Variants in ZBTB18 observed in about 807,000 individuals in gnomAD.
ZBTB18 encodes zinc finger and BTB domain containing 18.
ZBTB18 carries 2 observed loss-of-function variants against 37.7 expected under a neutral mutation model. The observed-to-expected ratio is 0.05, with a 90% CI of 0.02 to 0.17. The LOEUF is 0.17. Ranked by LOEUF, ZBTB18 falls within the 10% of genes least tolerant of loss-of-function variation. The pLI is 1.00. For synonymous variants in ZBTB18, 304 were observed against 276.5 expected, an observed-to-expected ratio of 1.10 and a Z score of -0.99; for missense variants, 408 against 686.3, an observed-to-expected ratio of 0.59 and a Z score of 4.53.
rs1171774063 is a variant in ZBTB18, at chr1:244,053,241, A to AT, written c.14-538dup. Among the ~76,000 whole-genome samples the AT allele has an allele frequency of 4.0e-5, 6 of 150,678 alleles. No individual in the cohort carries two copies. Among genetic ancestry groups the AT allele is most frequent in the Non-Finnish European group, 7.4e-5 (5 of 67,584 alleles). On this transcript the variant is annotated intron_variant, in intron 1 of 1. Coordinates refer to ENST00000358704, the MANE Select transcript of ZBTB18 (RefSeq NM_205768.3). This position sits in a 1 kb window ranked among gnomAD's most constrained non-coding sequence, Gnocchi z 5.2. ...ATTTCTGGACTAATTATGCAATTTC[A>AT]TTTTTTTTTCTTGATTCAGCCAAAT...
chr1:244,054,385 C>G lies in ZBTB18; in HGVS notation c.611C>G (p.Pro204Arg). 2 of 1,614,184 alleles carry G rather than the reference C, an allele frequency of 1.2e-6. No homozygotes were observed. The highest frequency in any genetic ancestry group is 2.2e-5 in the East Asian group (1 of 44,868). Residue 204 changes from proline to arginine, a missense_variant, in exon 2 of 2, where the codon CCC (proline) becomes CGC (arginine). By Grantham distance (103) the Pro-to-Arg change is moderately radical. Coordinates refer to ENST00000358704, the MANE Select transcript of ZBTB18 (RefSeq NM_205768.3). The surrounding 1 kb of genome is among the most constrained non-coding windows in gnomAD (Gnocchi z 9.0). ...MRLPSDSAGI[P>R]QAGGEAEPHA... Reference sequence around the variant, plus strand: ...TTGCCCTCAGACTCAGCAGGCATCCCCCAGGCTGGCGGAGAGGCAGAGCCA... The same window carrying G: ...TTGCCCTCAGACTCAGCAGGCATCCGCCAGGCTGGCGGAGAGGCAGAGCCA...
In ZBTB18 at chr1:244,055,527, A is replaced by C. The variant is rs1698446201; in HGVS notation, c.*157A>C. ...TTTAGAATAGCATGAGAATCTCACT[A>C]ATTTAGCATTCTGATAAAAGAAACT... is the stretch of plus-strand genomic sequence containing the variant. On this transcript the variant is annotated 3_prime_UTR_variant, in exon 2 of 2. Transcript: ENST00000358704. The surrounding 1 kb of genome is among the most constrained non-coding windows in gnomAD (Gnocchi z 7.0). The C allele has an allele frequency of 4.9e-6, 1 of 204,052 alleles. No individual in the cohort carries two copies. The highest frequency in any genetic ancestry group is 2.4e-5 in the African/African-American group (1 of 42,298). 12.6% of individuals were successfully genotyped at this position (204,052 alleles called of 1,614,324 possible).
At position 244,053,846 on chromosome 1, in the gene ZBTB18, C is replaced by G; in HGVS notation, c.72C>G (p.Ser24Arg). The change falls in exon 2 of 2, where the codon AGC becomes AGG. Residue 24 changes from serine (S) to arginine (R), a missense_variant. Coordinates refer to ENST00000358704, the MANE Select transcript of ZBTB18 (RefSeq NM_205768.3). This position sits in a 1 kb window ranked among gnomAD's most constrained non-coding sequence, Gnocchi z 5.2. ...GTAGACATTTGCTACAGTGTCTGAG[C>G]GAGCAGAGACACCAGGGTTTTCTTT... ...DHSRHLLQCL[S>R]EQRHQGFLCD... 1.9e-6 allele frequency: 3 copies of G among 1,614,096 alleles called. No homozygotes were observed. Among genetic ancestry groups the G allele is most frequent in the Middle Eastern group, 1.6e-4 (1 of 6,062 alleles).
chr1:244,054,994 G>C lies in ZBTB18; in HGVS notation c.1220G>C (p.Gly407Ala). 6.2e-7 allele frequency: 1 copy of C among 1,614,082 alleles called. No individual in the cohort carries two copies. The highest frequency in any genetic ancestry group is 1.6e-4 in the Middle Eastern group (1 of 6,062). The change falls in exon 2 of 2, where the codon GGC becomes GCC. Residue 407 changes from glycine (G) to alanine (A), a missense_variant. This residue lies in a region of ZBTB18 where 266 missense variants were observed against 312.0 expected (regional missense o/e 0.85). Coordinates refer to ENST00000358704, the MANE Select transcript of ZBTB18 (RefSeq NM_205768.3). The surrounding 1 kb of genome is among the most constrained non-coding windows in gnomAD (Gnocchi z 9.0). ...AGCACGCACTTCCGCGAGCAGGACGGCATCCGCAGCAAGCCCGCCGCCGAT... is the reference window on the plus strand; with the variant it reads ...AGCACGCACTTCCGCGAGCAGGACGCCATCCGCAGCAAGCCCGCCGCCGAT... ...HLSTHFREQDGIRSKPAADVN... is the reference protein window; with the variant it reads ...HLSTHFREQDAIRSKPAADVN...
In ZBTB18 at chr1:244,055,409, T is replaced by A. The variant is rs776214706; in HGVS notation, c.*39T>A. On this transcript the variant is annotated 3_prime_UTR_variant, in exon 2 of 2. Transcript: ENST00000358704. The surrounding 1 kb of genome is among the most constrained non-coding windows in gnomAD (Gnocchi z 7.0). ...TAAATAATATATATATATATACATA[T>A]ATATAAATAGATCTCTATATAGTTG... The A allele has an allele frequency of 1.5e-6, 1 of 651,604 alleles. No homozygotes were observed. The highest frequency in any genetic ancestry group is 4.7e-5 in the East Asian group (1 of 21,432). The allele number at this position is 651,604 out of a possible 1,614,324, so 40.4% of individuals were successfully genotyped here.
At chr1:244,052,514 C>T (rs144500420) in intron 1 of ZBTB18, among the ~76,000 whole-genome samples, 1 of 152,286 alleles carries the variant, frequency 6.6e-6, no homozygotes, top group African/African-American at 2.4e-5. Flanking sequence ...CCAAAATGCA[C>T]TTGCTGAGAT....
intron 1 of ZBTB18, 130 bp downstream of exon 1, chr1:244,051,574 C>T (rs1442882317): frequency 8.4e-6 from 9 of 1,070,650 alleles, no homozygotes; most frequent in Non-Finnish European, 1.2e-5. Flanking sequence ...AAATGAACAT[C>T]TTACTGGAGT....
At chr1:244,049,724 A>G (rs1008449445), upstream of ZBTB18, among the ~76,000 whole-genome samples, 2 of 152,086 alleles carry the variant, frequency 1.3e-5, no homozygotes, top group African/African-American at 4.8e-5. Flanking sequence ...ATGCACGGCG[A>G]ACTACGTAAA....
chr1:244,050,173 G>C (rs1044819667), upstream of ZBTB18, among the ~76,000 whole-genome samples: 8 of 152,198 alleles, frequency 5.3e-5, no homozygotes, highest in Non-Finnish European at 7.3e-5. Context: ...GAACGAAGTG[G>C]TTATCACCAG....
rs372002611 is a variant in ZBTB18 at position 244,054,734 on chromosome 1, G to A, written c.960G>A (p.Pro320=). Residue 320 remains proline (P), a synonymous_variant, in exon 2 of 2, where the codon CCG becomes CCA. Coordinates refer to ENST00000358704, the MANE Select transcript of ZBTB18 (RefSeq NM_205768.3). The surrounding 1 kb of genome is among the most constrained non-coding windows in gnomAD (Gnocchi z 9.0). ...CTAATAACAGGGTACAGTATGAGCC[G>A]GCCCATCTGGCTCCCCTGAGGGAGG... ...VSTNNRVQYE[P]AHLAPLREDS... 126 of 1,614,124 alleles carry A rather than the reference G, an allele frequency of 7.8e-5. 1 individual carries two copies. The highest frequency in any genetic ancestry group is 1.9e-4 in the African/African-American group (14 of 75,036).
rs948247251 is a variant in ZBTB18, at chr1:244,055,619, C to G, written c.*249C>G. On this transcript the variant is annotated 3_prime_UTR_variant, in exon 2 of 2. Transcript: ENST00000358704. The surrounding 1 kb of genome is among the most constrained non-coding windows in gnomAD (Gnocchi z 7.0). ...GATAGGGGAAGTAAGCCAATAAGAA[C>G]CTTTTAAACAAATCGTCCTGTCACA... 6.0e-6 allele frequency: 1 copy of G among 167,422 alleles called. No individual in the cohort carries two copies. The highest frequency in any genetic ancestry group is 1.5e-5 in the Non-Finnish European group (1 of 68,778). The allele number at this position is 167,422 out of a possible 1,614,324, so 10.4% of individuals were successfully genotyped here. A position where few individuals can be genotyped will look rare whatever the true frequency, so the allele number is the denominator to read the frequency against.
chr1:244,053,919 G>C lies in ZBTB18; in HGVS notation c.145G>C (p.Ala49Pro). The change falls in exon 2 of 2, where the codon GCT becomes CCT. Residue 49 changes from alanine to proline, a missense_variant. Physicochemically the swap from Ala to Pro is conservative, Grantham distance 27. Transcript: ENST00000358704. This position sits in a 1 kb window ranked among gnomAD's most constrained non-coding sequence, Gnocchi z 5.2. ...AGATGCCCAGTTCCGAGCGCACCGAGCTGTACTGGCTTCATGCAGCATGTA... is the reference window on the plus strand; with the variant it reads ...AGATGCCCAGTTCCGAGCGCACCGACCTGTACTGGCTTCATGCAGCATGTA... ...VGDAQFRAHR[A>P]VLASCSMYFH... is the part of the protein sequence containing the mutation. 1 of 1,614,170 alleles carries C rather than the reference G, an allele frequency of 6.2e-7. No individual in the cohort carries two copies. The highest frequency in any genetic ancestry group is 8.5e-7 in the Non-Finnish European group (1 of 1,180,036).
upstream of ZBTB18, chr1:244,049,135 C>G (rs1322134230): frequency 7.0e-6 from 1 of 142,724 alleles, no homozygotes; most frequent in Non-Finnish European, 1.6e-5. Context: ...GGGGCGCCCC[C>G]GCGAGTGGAG....
In ZBTB18 at chr1:244,055,022, C is replaced by T; in HGVS notation, c.1248C>T (p.Val416=). 1.2e-6 allele frequency: 2 copies of T among 1,614,192 alleles called. No individual in the cohort carries two copies. The highest frequency in any genetic ancestry group is 1.1e-5 in the South Asian group (1 of 91,078). The change falls in exon 2 of 2, where the codon GTC becomes GTT. Residue 416 remains valine (V), a synonymous_variant. Transcript: ENST00000358704. The surrounding 1 kb of genome is among the most constrained non-coding windows in gnomAD (Gnocchi z 7.0). The part of the protein sequence containing the change: ...DGIRSKPAAD[V]NVPTCSLCGK... ...TCCGCAGCAAGCCCGCCGCCGATGT[C>T]AACGTGCCCACGTGCTCGCTGTGTG...
chr1:244,049,460 G>C (rs1053300207), upstream of ZBTB18, among the ~76,000 whole-genome samples: 1 of 145,818 alleles, frequency 6.9e-6, no homozygotes, highest in Non-Finnish European at 1.5e-5. Context: ...GGGGGAGGGG[G>C]CCGGCGGGGG....
Position 244,054,455 on chromosome 1 carries a change from A to G in ZBTB18, c.681A>G (p.Ser227=), listed in dbSNP as rs1698414011. 3.7e-6 allele frequency: 6 copies of G among 1,614,238 alleles called. No homozygotes were observed. In the South Asian group the frequency reaches 6.6e-5, roughly 18 times the overall value. ...AGKTVASPCS[S]TESLSQRSVT... is the part of the protein sequence containing the mutation. The stretch of plus-strand genomic sequence containing the variant: ...AAACAGTAGCCAGCCCCTGCAGCTC[A>G]ACAGAGTCTTTGTCCCAGAGGTCTG... The change falls in exon 2 of 2, where the codon TCA becomes TCG. Residue 227 remains serine (S), a synonymous_variant. Transcript: ENST00000358704. The surrounding 1 kb of genome is among the most constrained non-coding windows in gnomAD (Gnocchi z 9.0).
chr1:244,049,177 C>CG (rs907284554), upstream of ZBTB18, among the ~76,000 whole-genome samples: 1 of 107,688 alleles, frequency 9.3e-6, no homozygotes, highest in Non-Finnish European at 2.0e-5. Flanking sequence ...GTTGGGGCGG[C>CG]GGGGGGCGGC....
chr1:244,053,939 C>T lies in ZBTB18; in HGVS notation c.165C>T (p.Ser55=). 1 of 1,614,136 alleles carries T rather than the reference C, an allele frequency of 6.2e-7. No homozygotes were observed. Residue 55 remains serine (S), a synonymous_variant, in exon 2 of 2, where the codon AGC becomes AGT. Transcript: ENST00000358704. The surrounding 1 kb of genome is among the most constrained non-coding windows in gnomAD (Gnocchi z 5.2). ...RAHRAVLASC[S]MYFHLFYKDQ... ...ACCGAGCTGTACTGGCTTCATGCAGCATGTATTTCCACCTCTTTTACAAGG... is the reference window on the plus strand; with the variant it reads ...ACCGAGCTGTACTGGCTTCATGCAGTATGTATTTCCACCTCTTTTACAAGG...
chr1:244,053,688 A>T lies in ZBTB18; in HGVS notation c.14-100A>T. On this transcript the variant is annotated intron_variant, in intron 1 of 1. Coordinates refer to ENST00000358704, the MANE Select transcript of ZBTB18 (RefSeq NM_205768.3). This position sits in a 1 kb window ranked among gnomAD's most constrained non-coding sequence, Gnocchi z 5.2. ...GCCTGATTAAAATTCAGGGACATGTACCACGGCGGCCAAAGCGGAATTAAT... is the reference window on the plus strand; with the variant it reads ...GCCTGATTAAAATTCAGGGACATGTTCCACGGCGGCCAAAGCGGAATTAAT... 6.7e-7 allele frequency: 1 copy of T among 1,501,976 alleles called. No individual in the cohort carries two copies. Among genetic ancestry groups the T allele is most frequent in the South Asian group, 1.4e-5 (1 of 72,732 alleles). The allele number at this position is 1,501,976 out of a possible 1,614,324, so 93.0% of individuals were successfully genotyped here.
Sources: allele counts gnomAD v4.1 joint callset (sites outside exome capture counted in the v4.1 genomes callset), GRCh38; gene constraint gnomAD v4.1.1; regional missense constraint gnomAD v4.1.1; non-coding constraint Gnocchi (gnomAD v3.1); transcripts MANE v1.5; gene names NCBI Gene and HGNC (gene_info 2026-07-23, HGNC 2026-07-21).